Variants in NANOS1 observed in about 807,000 individuals in gnomAD.
NANOS1 encodes nanos C2HC-type zinc finger 1.
NANOS1 carries 1 observed loss-of-function variant against 1.1 expected under a neutral mutation model. The ratio of observed to expected loss-of-function variants is 0.88; its 90% CI spans 0.31 to 4.20. NANOS1 has a LOEUF of 4.20. Among genes scored for constraint, NANOS1 ranks in the 30% most tolerant of loss-of-function variants. The pLI, the probability that NANOS1 is intolerant of heterozygous loss-of-function variation, is 0.17. For missense variants in NANOS1, 537 were observed against 457.9 expected, an observed-to-expected ratio of 1.17 and a Z score of -1.58; for synonymous variants, 252 against 230.6, an observed-to-expected ratio of 1.09 and a Z score of -0.84.
rs935321725 is a variant in NANOS1 at position 119,031,116 on chromosome 10, G to C, written c.*436G>C. 1 of 175,626 alleles carries C rather than the reference G, an allele frequency of 5.7e-6. No homozygotes were observed. The highest frequency in any genetic ancestry group is 2.4e-5 in the African/African-American group (1 of 41,842). The allele number at this position is 175,626 out of a possible 1,614,324, so 10.9% of individuals were successfully genotyped here. On this transcript the variant is annotated 3_prime_UTR_variant, in exon 1 of 1. Coordinates refer to ENST00000425699, the MANE Select transcript of NANOS1 (RefSeq NM_199461.4). ...CCTCTGAACTGAGCTTAAAACTGGCGATTTTATGAAATGTCGGCAAAATGA... is the reference window on the plus strand; with the variant it reads ...CCTCTGAACTGAGCTTAAAACTGGCCATTTTATGAAATGTCGGCAAAATGA...
At position 119,031,858 on chromosome 10, in the gene NANOS1, T is replaced by C. The variant is rs956898896; in HGVS notation, c.*1178T>C. ...GAATTGTTGGGGGTCCTTCATGTGT[T>C]CCCACTCCTACTGGAAGACCCATGT... On this transcript the variant is annotated 3_prime_UTR_variant, in exon 1 of 1. Coordinates refer to ENST00000425699, the MANE Select transcript of NANOS1 (RefSeq NM_199461.4). 2.4e-5 allele frequency: 4 copies of C among 167,042 alleles called. No homozygotes were observed. Among genetic ancestry groups the C allele is most frequent in the Non-Finnish European group, 4.4e-5 (3 of 68,120 alleles). The allele number at this position is 167,042 out of a possible 1,614,324, so 10.3% of individuals were successfully genotyped here.
Position 119,030,712 on chromosome 10 carries a change from G to A in NANOS1, c.*32G>A, listed in dbSNP as rs542880406. ...GGGCTCCCGGCCGCCCAGGGTCGCC[G>A]CCGCCCCTCGCACCGCTAGGTCTGC... On this transcript the variant is annotated 3_prime_UTR_variant, in exon 1 of 1. Transcript: ENST00000425699. This position sits in a 1 kb window ranked among gnomAD's most constrained non-coding sequence, Gnocchi z 5.3. The A allele has an allele frequency of 2.4e-6, 3 of 1,273,408 alleles. No homozygotes were observed. The highest frequency in any genetic ancestry group is 3.3e-5 in the East Asian group (1 of 30,532). The allele number at this position is 1,273,408 out of a possible 1,614,324, so 78.9% of individuals were successfully genotyped here.
In NANOS1 at chr10:119,033,602, T is replaced by G; in HGVS notation, c.*2922T>G. On this transcript the variant is annotated 3_prime_UTR_variant, in exon 1 of 1. Coordinates refer to ENST00000425699, the MANE Select transcript of NANOS1 (RefSeq NM_199461.4). ...AATTTCTAGTGGCTTTTATTTTTCT[T>G]TGTATTTTAATTTTCCTACAAAGTC... 1 of 167,122 alleles carries G rather than the reference T, an allele frequency of 6.0e-6. No homozygotes were observed. The allele number at this position is 167,122 out of a possible 1,614,324, so 10.4% of individuals were successfully genotyped here.
In NANOS1 at chr10:119,030,823, A is replaced by G. The variant is rs1030088651; in HGVS notation, c.*143A>G. The G allele has an allele frequency of 2.3e-5, 26 of 1,153,286 alleles. No individual in the cohort carries two copies. The highest frequency in any genetic ancestry group is 2.9e-5 in the Non-Finnish European group (26 of 909,580). The allele number at this position is 1,153,286 out of a possible 1,614,324, so 71.4% of individuals were successfully genotyped here. ...GTCGTCCTGGTGGTTTTTGAAAAGC[A>G]GCCGACCGTGTGGAGTACTTCCGTG... On this transcript the variant is annotated 3_prime_UTR_variant, in exon 1 of 1. Coordinates refer to ENST00000425699, the MANE Select transcript of NANOS1 (RefSeq NM_199461.4). The surrounding 1 kb of genome is among the most constrained non-coding windows in gnomAD (Gnocchi z 5.3).
rs566201314 is a variant in NANOS1, at chr10:119,031,900, A to G, written c.*1220A>G. On this transcript the variant is annotated 3_prime_UTR_variant, in exon 1 of 1. Coordinates refer to ENST00000425699, the MANE Select transcript of NANOS1 (RefSeq NM_199461.4). ...GACCCATGTCGGTTTCCGGAACCCC[A>G]CCAGTTTACCCATAAGCAAGACTAA... The G allele has an allele frequency of 6.0e-6, 1 of 167,214 alleles. No homozygotes were observed. The highest frequency in any genetic ancestry group is 6.5e-5 in the Admixed American group (1 of 15,300). The allele number at this position is 167,214 out of a possible 1,614,324, so 10.4% of individuals were successfully genotyped here.
Position 119,030,443 on chromosome 10 carries a change from C to T in NANOS1, c.642C>T (p.Cys214=), listed in dbSNP as rs1368908375. Residue 214 remains cysteine (C), a synonymous_variant, in exon 1 of 1, where the codon TGC becomes TGT. Transcript: ENST00000425699. This position sits in a 1 kb window ranked among gnomAD's most constrained non-coding sequence, Gnocchi z 5.3. The part of the protein sequence containing the change: ...ARLLKPELQV[C]VFCRNNKEAM... ...TGCTGAAGCCCGAGCTGCAGGTGTG[C>T]GTGTTCTGCCGGAACAACAAGGAGG... is the stretch of plus-strand genomic sequence containing the variant. The T allele has an allele frequency of 3.6e-6, 5 of 1,402,460 alleles. No homozygotes were observed. Among genetic ancestry groups the T allele is most frequent in the East Asian group, 6.4e-5 (2 of 31,108 alleles). 86.9% of individuals were successfully genotyped at this position (1,402,460 alleles called of 1,614,324 possible). A position where few individuals can be genotyped will look rare whatever the true frequency, so the allele number is the denominator to read the frequency against.
Position 119,029,984 on chromosome 10 carries a change from G to A in NANOS1, c.183G>A (p.Pro61=), listed in dbSNP as rs1294205059. The part of the protein sequence containing the change: ...TLITKAVDGE[P]RFGCARGGNG... ...TCACCAAAGCGGTGGACGGCGAGCCGCGCTTCGGCTGCGCCCGCGGTGGGA... is the reference window on the plus strand; with the variant it reads ...TCACCAAAGCGGTGGACGGCGAGCCACGCTTCGGCTGCGCCCGCGGTGGGA... The change falls in exon 1 of 1, where the codon CCG becomes CCA. Residue 61 remains proline (P), a synonymous_variant. Coordinates refer to ENST00000425699, the MANE Select transcript of NANOS1 (RefSeq NM_199461.4). 2 of 1,418,176 alleles carry A rather than the reference G, an allele frequency of 1.4e-6. No homozygotes were observed. Among genetic ancestry groups the A allele is most frequent in the Admixed American group, 2.7e-5 (1 of 36,790 alleles). 87.8% of individuals were successfully genotyped at this position (1,418,176 alleles called of 1,614,324 possible).
chr10:119,032,085 T>C lies in NANOS1; in HGVS notation c.*1405T>C, dbSNP rs142157955. Reference sequence around the variant, plus strand: ...TGAATTAAGATGAACTCATCTGAAATACACAAATGCATTACTATCTGAAGA... The same window carrying C: ...TGAATTAAGATGAACTCATCTGAAACACACAAATGCATTACTATCTGAAGA... On this transcript the variant is annotated 3_prime_UTR_variant, in exon 1 of 1. Transcript: ENST00000425699. 6.0e-6 allele frequency: 1 copy of C among 167,226 alleles called. No individual in the cohort carries two copies. Among genetic ancestry groups the C allele is most frequent in the East Asian group, 1.9e-4 (1 of 5,194 alleles). The allele number at this position is 167,226 out of a possible 1,614,324, so 10.4% of individuals were successfully genotyped here. A position where few individuals can be genotyped will look rare whatever the true frequency, so the allele number is the denominator to read the frequency against.
Position 119,030,072 on chromosome 10 carries a change from G to A in NANOS1, c.271G>A (p.Ala91Thr), listed in dbSNP as rs1017587181. The A allele has an allele frequency of 3.2e-5, 42 of 1,323,032 alleles. No individual in the cohort carries two copies. In the African/African-American group the frequency reaches 5.9e-4, roughly 18 times the overall value. The allele number at this position is 1,323,032 out of a possible 1,614,324, so 82.0% of individuals were successfully genotyped here. A position where few individuals can be genotyped will look rare whatever the true frequency, so the allele number is the denominator to read the frequency against. The change falls in exon 1 of 1, where the codon GCC (alanine) becomes ACC (threonine). Residue 91 changes from alanine to threonine, a missense_variant. By Grantham distance (58) the Ala-to-Thr change is moderately conservative (BLOSUM62 0). Coordinates refer to ENST00000425699, the MANE Select transcript of NANOS1 (RefSeq NM_199461.4). This position sits in a 1 kb window ranked among gnomAD's most constrained non-coding sequence, Gnocchi z 5.3. ...GTCCTGCTGCTCCCCCCACACGGGG[G>A]CCGGGCCTGGGGCGCTGGGGCCGGC... ...SSSCCSPHTGAGPGALGPALG... is the reference protein window; with the variant it reads ...SSSCCSPHTGTGPGALGPALG...
rs1848064850 is a variant in NANOS1 at position 119,032,401 on chromosome 10, G to A, written c.*1721G>A. 2 of 166,938 alleles carry A rather than the reference G, an allele frequency of 1.2e-5. No individual in the cohort carries two copies. The highest frequency in any genetic ancestry group is 2.4e-5 in the African/African-American group (1 of 41,456). The allele number at this position is 166,938 out of a possible 1,614,324, so 10.3% of individuals were successfully genotyped here. ...CTGCTAGTCTTAACCCCAGACCAGAGAGAACTGCAGATCTGACTGGGCCTA... is the reference window on the plus strand; with the variant it reads ...CTGCTAGTCTTAACCCCAGACCAGAAAGAACTGCAGATCTGACTGGGCCTA... On this transcript the variant is annotated 3_prime_UTR_variant, in exon 1 of 1. Transcript: ENST00000425699.
In NANOS1 at chr10:119,029,847, G is replaced by T; in HGVS notation, c.46G>T (p.Ala16Ser). Residue 16 changes from alanine to serine, a missense_variant, in exon 1 of 1, where the codon GCC becomes TCC. Transcript: ENST00000425699. ...GCCCCGCTCGCCCCGCCGCGGCCGC[G>T]CCCCCCCGCCCATGGCGCTCGTGCC... ...WAPRSPRRGR[A>S]PPPMALVPSA... The T allele has an allele frequency of 8.3e-7, 1 of 1,208,030 alleles. No homozygotes were observed. The highest frequency in any genetic ancestry group is 1.0e-6 in the Non-Finnish European group (1 of 976,666). The allele number at this position is 1,208,030 out of a possible 1,614,324, so 74.8% of individuals were successfully genotyped here.
chr10:119,030,399 G>A lies in NANOS1; in HGVS notation c.598G>A (p.Gly200Arg). ...AAEPRLHAAS[G>R]AAAARLLKPE... Reference sequence around the variant, plus strand: ...CGAGCCCCGGCTGCACGCGGCCTCCGGGGCGGCGGCCGCCCGGCTGCTGAA... The same window carrying A: ...CGAGCCCCGGCTGCACGCGGCCTCCAGGGCGGCGGCCGCCCGGCTGCTGAA... Residue 200 changes from glycine to arginine, a missense_variant, in exon 1 of 1, where the codon GGG becomes AGG. Gly to Arg is a moderately radical substitution (Grantham distance 125). Transcript: ENST00000425699. This position sits in a 1 kb window ranked among gnomAD's most constrained non-coding sequence, Gnocchi z 5.3. 2 of 1,140,880 alleles carry A rather than the reference G, an allele frequency of 1.8e-6. No homozygotes were observed. The highest frequency in any genetic ancestry group is 2.2e-6 in the Non-Finnish European group (2 of 916,698). The allele number at this position is 1,140,880 out of a possible 1,614,324, so 70.7% of individuals were successfully genotyped here.
rs1195555116 is a variant in NANOS1, at chr10:119,033,055, G to C, written c.*2375G>C. 1.2e-5 allele frequency: 2 copies of C among 165,250 alleles called. No homozygotes were observed. Among genetic ancestry groups the C allele is most frequent in the African/African-American group, 4.8e-5 (2 of 41,452 alleles). The allele number at this position is 165,250 out of a possible 1,614,324, so 10.2% of individuals were successfully genotyped here. A position where few individuals can be genotyped will look rare whatever the true frequency, so the allele number is the denominator to read the frequency against. On this transcript the variant is annotated 3_prime_UTR_variant, in exon 1 of 1. Transcript: ENST00000425699. ...TACTAAAAATACAAAAATTAGCCGGGTGGTGTGGTGGGCGCCTGTAATCCC... is the reference window on the plus strand; with the variant it reads ...TACTAAAAATACAAAAATTAGCCGGCTGGTGTGGTGGGCGCCTGTAATCCC...
chr10:119,032,056 G>T lies in NANOS1; in HGVS notation c.*1376G>T, dbSNP rs1318244789. 6.0e-6 allele frequency: 1 copy of T among 167,088 alleles called. No homozygotes were observed. The highest frequency in any genetic ancestry group is 1.5e-5 in the Non-Finnish European group (1 of 68,138). 10.4% of individuals were successfully genotyped at this position (167,088 alleles called of 1,614,324 possible). Reference sequence around the variant, plus strand: ...GCAAGGCAATAGAAGGCAAAAAATGGAAGTGAATTAAGATGAACTCATCTG... The same window carrying T: ...GCAAGGCAATAGAAGGCAAAAAATGTAAGTGAATTAAGATGAACTCATCTG... On this transcript the variant is annotated 3_prime_UTR_variant, in exon 1 of 1. Transcript: ENST00000425699.
chr10:119,030,267 G>C lies in NANOS1; in HGVS notation c.466G>C (p.Gly156Arg). ...CTTCGCCGAGCTGAGCCCGTTCGCG[G>C]GTCGTGCCGCCGCCGTGCTGCTGGG... ...ERFAELSPFA[G>R]RAAAVLLGCA... The change falls in exon 1 of 1, where the codon GGT (glycine) becomes CGT (arginine). Residue 156 changes from glycine to arginine, a missense_variant. By Grantham distance (125) the Gly-to-Arg change is moderately radical. Coordinates refer to ENST00000425699, the MANE Select transcript of NANOS1 (RefSeq NM_199461.4). This position sits in a 1 kb window ranked among gnomAD's most constrained non-coding sequence, Gnocchi z 5.3. 1 of 1,233,642 alleles carries C rather than the reference G, an allele frequency of 8.1e-7. No homozygotes were observed. The allele number at this position is 1,233,642 out of a possible 1,614,324, so 76.4% of individuals were successfully genotyped here.
chr10:119,029,853 C>G lies in NANOS1; in HGVS notation c.52C>G (p.Pro18Ala), dbSNP rs976880850. 1.3e-4 allele frequency: 156 copies of G among 1,230,448 alleles called. No individual in the cohort carries two copies. Among genetic ancestry groups the G allele is most frequent in the Non-Finnish European group, 1.5e-4 (153 of 991,024 alleles). 76.2% of individuals were successfully genotyped at this position (1,230,448 alleles called of 1,614,324 possible). The change falls in exon 1 of 1, where the codon CCG (proline) becomes GCG (alanine). Residue 18 changes from proline to alanine, a missense_variant. Pro to Ala is a conservative substitution (Grantham distance 27). Transcript: ENST00000425699. ...CTCGCCCCGCCGCGGCCGCGCCCCCCCGCCCATGGCGCTCGTGCCCAGCGC... is the reference window on the plus strand; with the variant it reads ...CTCGCCCCGCCGCGGCCGCGCCCCCGCGCCCATGGCGCTCGTGCCCAGCGC... ...PRSPRRGRAP[P>A]PMALVPSARY...
chr10:119,030,749 C>T lies in NANOS1; in HGVS notation c.*69C>T, dbSNP rs1848035298. ...ACCGCTAGGTCTGCGCACCATCTCG[C>T]CCCCGCCGTGGGGAGGCGTGCGGCT... On this transcript the variant is annotated 3_prime_UTR_variant, in exon 1 of 1. Transcript: ENST00000425699. This position sits in a 1 kb window ranked among gnomAD's most constrained non-coding sequence, Gnocchi z 5.3. 4.0e-6 allele frequency: 5 copies of T among 1,244,828 alleles called. No homozygotes were observed. Among genetic ancestry groups the T allele is most frequent in the Non-Finnish European group, 4.0e-6 (4 of 989,362 alleles). The allele number at this position is 1,244,828 out of a possible 1,614,324, so 77.1% of individuals were successfully genotyped here.
At position 119,030,217 on chromosome 10, in the gene NANOS1, C is replaced by A; in HGVS notation, c.416C>A (p.Ala139Asp). The A allele has an allele frequency of 7.8e-7, 1 of 1,286,748 alleles. No individual in the cohort carries two copies. Among genetic ancestry groups the A allele is most frequent in the Non-Finnish European group, 9.8e-7 (1 of 1,021,708 alleles). 79.7% of individuals were successfully genotyped at this position (1,286,748 alleles called of 1,614,324 possible). Reference protein sequence around the residue: ...LRALELCAGPAEAGLLEERFA... With the variant: ...LRALELCAGPDEAGLLEERFA... ...GCGCTGGAGCTGTGCGCGGGCCCCG[C>A]CGAGGCCGGGCTGCTGGAGGAGCGC... Residue 139 changes from alanine to aspartate, a missense_variant, in exon 1 of 1, where the codon GCC becomes GAC. Ala to Asp is a moderately radical substitution (Grantham distance 126). Transcript: ENST00000425699. The surrounding 1 kb of genome is among the most constrained non-coding windows in gnomAD (Gnocchi z 5.3).
chr10:119,030,994 T>A lies in NANOS1; in HGVS notation c.*314T>A. On this transcript the variant is annotated 3_prime_UTR_variant, in exon 1 of 1. Coordinates refer to ENST00000425699, the MANE Select transcript of NANOS1 (RefSeq NM_199461.4). The surrounding 1 kb of genome is among the most constrained non-coding windows in gnomAD (Gnocchi z 5.3). Reference sequence around the variant, plus strand: ...TGTTTATTTACTGTATACGTCGACCTATTTTAGATGCGCATCAGTATGAAA... The same window carrying A: ...TGTTTATTTACTGTATACGTCGACCAATTTTAGATGCGCATCAGTATGAAA... 1 of 288,304 alleles carries A rather than the reference T, an allele frequency of 3.5e-6. No individual in the cohort carries two copies. Among genetic ancestry groups the A allele is most frequent in the South Asian group, 1.7e-4 (1 of 5,916 alleles). The allele number at this position is 288,304 out of a possible 1,614,324, so 17.9% of individuals were successfully genotyped here.
Sources: gnomAD v4.1 joint callset for allele counts on GRCh38, gnomAD v4.1.1 for gene constraint, Gnocchi (gnomAD v3.1) non-coding constraint, MANE v1.5 for transcripts, NCBI Gene and HGNC (gene_info 2026-07-23, HGNC 2026-07-21) for gene names.